Variants in RAB3IP observed in about 807,000 individuals in gnomAD.
The protein encoded by RAB3IP is RAB3A interacting protein.
RAB3IP carries 36 observed loss-of-function variants against 59.1 expected under a neutral mutation model. The ratio of observed to expected loss-of-function variants is 0.61; its 90% CI spans 0.47 to 0.80. The LOEUF (loss-of-function observed/expected upper bound fraction) is 0.80, where lower values mean the gene tolerates loss of function less well. Ranked by LOEUF, RAB3IP falls within the 30% of genes least tolerant of loss-of-function variation. RAB3IP has a pLI of 0.00. For missense variants in RAB3IP, 511 were observed against 536.0 expected (o/e 0.95, Z 0.46); for synonymous variants, 207 against 191.2 (o/e 1.08, Z -0.68).
intron 3 of RAB3IP, 106 bp downstream of exon 3, chr12:69,756,769 A>C (rs1223761028): frequency 1.1e-6 from 1 of 908,108 alleles, no homozygotes; most frequent in Non-Finnish European, 1.6e-6. Flanking sequence ...TTGTACATTT[A>C]TCCGTCACAT....
chr12:69,764,004 C>T (rs1328780878), intron 3 of RAB3IP, among the ~76,000 whole-genome samples: 2 of 152,086 alleles, frequency 1.3e-5, no homozygotes, highest in Admixed American at 6.5e-5. Context: ...TTATCTGATC[C>T]ACTGTTGATG....
chr12:69,779,236 G>A (rs906988990), intron 3 of RAB3IP: 1 of 142,854 alleles, frequency 7.0e-6, no homozygotes, highest in Non-Finnish European at 1.5e-5. Context: ...GACCCCTTGC[G>A]CTTCCCAGGT....
At chr12:69,751,998 T>G (rs1226175235) in intron 1 of RAB3IP, among the ~76,000 whole-genome samples, 1 of 150,982 alleles carries the variant, frequency 6.6e-6, no homozygotes, top group Non-Finnish European at 1.5e-5. Context: ...TTTTTTTTCT[T>G]TTGTTCTTTT....
Position 69,820,004 on chromosome 12 carries a change from T to TA in RAB3IP, c.*4559dup, listed in dbSNP as rs1278952515. ...ACTTGCAACCTGTTACGTCTTCACTTACTCCCATCGCCACCACAAGAATCC... is the reference window on the plus strand; with the variant it reads ...ACTTGCAACCTGTTACGTCTTCACTTAACTCCCATCGCCACCACAAGAATCC... On this transcript the variant is annotated 3_prime_UTR_variant, in exon 11 of 11. Transcript: ENST00000247833. 6 of 152,236 alleles carry TA rather than the reference T, an allele frequency of 3.9e-5. No individual in the cohort carries two copies. The highest frequency in any genetic ancestry group is 1.3e-4 in the Admixed American group (2 of 15,284). 9.4% of individuals were successfully genotyped at this position (152,236 alleles called of 1,614,324 possible).
Position 69,813,072 on chromosome 12 carries a change from G to A in RAB3IP, c.1300+39G>A, listed in dbSNP as rs775443376. 10 of 1,472,896 alleles carry A rather than the reference G, an allele frequency of 6.8e-6. No individual in the cohort carries two copies. The Admixed American group carries it at 1.7e-4, about 26-fold the overall frequency. The allele number at this position is 1,472,896 out of a possible 1,614,324, so 91.2% of individuals were successfully genotyped here. On this transcript the variant is annotated intron_variant, in intron 10 of 10. Transcript: ENST00000247833. ...ATTCAATATAAGTCTTTACATAAAAGTTCAGCAAAAAGTATAAGTAAAGTT... is the reference window on the plus strand; with the variant it reads ...ATTCAATATAAGTCTTTACATAAAAATTCAGCAAAAAGTATAAGTAAAGTT...
At chr12:69,760,332 A>G (rs192998504) in intron 3 of RAB3IP, among the ~76,000 whole-genome samples, 1 of 152,356 alleles carries the variant, frequency 6.6e-6, no homozygotes, top group East Asian at 1.9e-4. Flanking sequence ...TGGCAGCAGT[A>G]CAGTCCAGCT....
intron 1 of RAB3IP, among the ~76,000 whole-genome samples, chr12:69,747,822 A>C (rs142653363): frequency 5.3e-5 from 8 of 152,254 alleles, no homozygotes; most frequent in African/African-American, 1.4e-4. Flanking sequence ...ATAGATGAAG[A>C]TATTTGGGCT....
At position 69,818,574 on chromosome 12, in the gene RAB3IP, A is replaced by G. The variant is rs749076706; in HGVS notation, c.*3128A>G. On this transcript the variant is annotated 3_prime_UTR_variant, in exon 11 of 11. Coordinates refer to ENST00000247833, the MANE Select transcript of RAB3IP (RefSeq NM_022456.5). ...TGTTCTGGAATAAATTAAAATGTCT[A>G]TTTTTAGGAAGGTGTAATGTGTTCA... 2 of 152,172 alleles carry G rather than the reference A, an allele frequency of 1.3e-5. No individual in the cohort carries two copies. The highest frequency in any genetic ancestry group is 4.8e-5 in the African/African-American group (2 of 41,442). The allele number at this position is 152,172 out of a possible 1,614,324, so 9.4% of individuals were successfully genotyped here.
intron 4 of RAB3IP, among the ~76,000 whole-genome samples, chr12:69,785,645 A>G (rs757580806): frequency 1.3e-5 from 2 of 152,194 alleles, no homozygotes; most frequent in Non-Finnish European, 2.9e-5. Flanking sequence ...CAGGCCATCA[A>G]CTGATTGGAT....
In RAB3IP at chr12:69,818,692, CTA is replaced by C. The variant is rs1257390558; in HGVS notation, c.*3250_*3251del. On this transcript the variant is annotated 3_prime_UTR_variant, in exon 11 of 11. Coordinates refer to ENST00000247833, the MANE Select transcript of RAB3IP (RefSeq NM_022456.5). ...GAATGAAAAAGCAATTCTGAGAAAACTATATGTGACATGATACTTTTCTTATA... is the reference window on the plus strand; with the variant it reads ...GAATGAAAAAGCAATTCTGAGAAAACTATGTGACATGATACTTTTCTTATA... The C allele has an allele frequency of 6.6e-6, 1 of 152,172 alleles. No individual in the cohort carries two copies. Among genetic ancestry groups the C allele is most frequent in the Non-Finnish European group, 1.5e-5 (1 of 68,032 alleles). 9.4% of individuals were successfully genotyped at this position (152,172 alleles called of 1,614,324 possible).
chr12:69,794,539 T>C, intron 5 of RAB3IP, 25 bp downstream of exon 5: 1 of 1,564,140 alleles, frequency 6.4e-7, no homozygotes, highest in East Asian at 2.3e-5. Context: ...CTCTTAATAG[T>C]ATAAAATAAA....
upstream of RAB3IP, chr12:69,738,749 C>A (rs980227368): frequency 1.3e-5 from 2 of 152,144 alleles, no homozygotes; most frequent in Non-Finnish European, 2.9e-5. Context: ...CGTCCGCCCC[C>A]AGGCCCCATG....
intron 6 of RAB3IP, among the ~76,000 whole-genome samples, chr12:69,798,240 A>G (rs936779614): frequency 2.6e-5 from 4 of 152,064 alleles, no homozygotes; most frequent in African/African-American, 9.7e-5. Context: ...ATGGTATCTC[A>G]TTGTGGTTTT....
intron 3 of RAB3IP, among the ~76,000 whole-genome samples, chr12:69,770,695 A>T (rs182650503): frequency 2.6e-5 from 4 of 152,170 alleles, no homozygotes; most frequent in Admixed American, 2.0e-4. Flanking sequence ...GTTACCATTT[A>T]AAAAAAAGTT....
chr12:69,752,331 A>ATATT (rs1239264142), intron 1 of RAB3IP, among the ~76,000 whole-genome samples: 1 of 150,530 alleles, frequency 6.6e-6, no homozygotes, highest in Admixed American at 6.6e-5. Flanking sequence ...TTATATATAT[A>ATATT]TATTTATTTA....
At chr12:69,738,758 TG>T (rs1252976852), upstream of RAB3IP, 3 of 151,844 alleles carry the variant, frequency 2.0e-5, no homozygotes, top group African/African-American at 7.3e-5. Flanking sequence ...CCAGGCCCCA[TG>T]CCGGGCTCGC....
At position 69,813,141 on chromosome 12, in the gene RAB3IP, T is replaced by C. The variant is rs1592636279; in HGVS notation, c.1300+108T>C. The C allele has an allele frequency of 4.0e-6, 3 of 741,528 alleles. No homozygotes were observed. The East Asian group carries it at 7.6e-5, about 19-fold the overall frequency. The allele number at this position is 741,528 out of a possible 1,614,324, so 45.9% of individuals were successfully genotyped here. ...AGTAGTAATGCTCATATCAGCTTTA[T>C]TGTTGGTACATTTATATTGAATCCC... On this transcript the variant is annotated intron_variant, in intron 10 of 10. Transcript: ENST00000247833.
chr12:69,742,357 T>C (rs1565864318), intron 1 of RAB3IP, among the ~76,000 whole-genome samples: 2 of 152,214 alleles, frequency 1.3e-5, no homozygotes, highest in Non-Finnish European at 2.9e-5. Context: ...TGTAAACTGC[T>C]TTCTAGCTTG....
At chr12:69,761,496 A>G (rs950021818) in intron 3 of RAB3IP, among the ~76,000 whole-genome samples, 3 of 152,118 alleles carry the variant, frequency 2.0e-5, no homozygotes, top group African/African-American at 7.2e-5. Context: ...CTGTTCCTCT[A>G]TCTTAATTGG....
Sources: allele counts gnomAD v4.1 joint callset (sites outside exome capture counted in the v4.1 genomes callset), GRCh38; gene constraint gnomAD v4.1.1; transcripts MANE v1.5; gene names NCBI Gene and HGNC (gene_info 2026-07-23, HGNC 2026-07-21).